The following MTUS1 variants were observed in gnomAD, a reference collection of about 807,000 sequenced individuals.
MTUS1 encodes microtubule associated scaffold protein 1.
In MTUS1, 109 loss-of-function variants were observed where a neutral mutation model predicts 120.8. That is an observed-to-expected ratio of 0.90 (90% CI 0.77 to 1.06). MTUS1 has a LOEUF of 1.06. Ranked by LOEUF, MTUS1 falls within the 50% of genes least tolerant of loss-of-function variation. The pLI, the probability that MTUS1 is intolerant of heterozygous loss-of-function variation, is 0.00. For synonymous variants in MTUS1, 737 were observed against 550.5 expected, an observed-to-expected ratio of 1.34 and a Z score of -4.74; for missense variants, 2,210 against 1,486.3, an observed-to-expected ratio of 1.49 and a Z score of -8.01.
intron 1 of MTUS1, among the ~76,000 whole-genome samples, chr8:17,768,228 T>A (rs985908399): frequency 1.3e-5 from 2 of 152,310 alleles, no homozygotes; most frequent in African/African-American, 4.8e-5. Flanking sequence ...CTAGGAGAGT[T>A]TTATAATGTT....
At chr8:17,762,889 T>C (rs926789610) in intron 1 of MTUS1, among the ~76,000 whole-genome samples, 5 of 152,126 alleles carry the variant, frequency 3.3e-5, no homozygotes, top group Non-Finnish European at 7.3e-5. Flanking sequence ...ATGGGCCACC[T>C]TGGATTAGCA....
In MTUS1 at chr8:17,750,351, G is replaced by C. The variant is rs561217934; in HGVS notation, c.2091+3366C>G. ...TAAAGCTGGCTAAATTCATCTCCCAGAGAAAAATCTTCTTTTAAAAAGCAA... is the reference window on the plus strand; with the variant it reads ...TAAAGCTGGCTAAATTCATCTCCCACAGAAAAATCTTCTTTTAAAAAGCAA... On this transcript the variant is annotated intron_variant, in intron 2 of 14. Coordinates refer to ENST00000693296, the MANE Select transcript of MTUS1 (RefSeq NM_001363059.2). 3.4e-3 allele frequency among the ~76,000 whole-genome samples: 519 copies of C among 152,280 alleles called. 1 individual carries two copies. The highest frequency in any genetic ancestry group is 5.7e-3 in the Non-Finnish European group (386 of 68,014).
chr8:17,780,031 G>A (rs1405091684), intron 1 of MTUS1, among the ~76,000 whole-genome samples: 3 of 152,144 alleles, frequency 2.0e-5, no homozygotes, highest in South Asian at 2.1e-4. Flanking sequence ...TTGAGGTGGG[G>A]CCTGGTGGGA....
At position 17,644,834 on chromosome 8, in the gene MTUS1, G is replaced by A. The variant is rs185748915; in HGVS notation, c.*1092C>T. On this transcript the variant is annotated 3_prime_UTR_variant, in exon 15 of 15. Coordinates refer to ENST00000693296, the MANE Select transcript of MTUS1 (RefSeq NM_001363059.2). Reference sequence around the variant, plus strand: ...AGTGGTTTCAGCACCTGGAAGATGAGCTGGCTCTGGGGCTCTGGAAAATCA... The same window carrying A: ...AGTGGTTTCAGCACCTGGAAGATGAACTGGCTCTGGGGCTCTGGAAAATCA... 10 of 152,338 alleles carry A rather than the reference G, an allele frequency of 6.6e-5. No individual in the cohort carries two copies. The highest frequency in any genetic ancestry group is 5.9e-4 in the Admixed American group (9 of 15,304). The allele number at this position is 152,338 out of a possible 1,614,324, so 9.4% of individuals were successfully genotyped here. A position where few individuals can be genotyped will look rare whatever the true frequency, so the allele number is the denominator to read the frequency against.
chr8:17,769,418 G>A (rs1437427549), intron 1 of MTUS1, among the ~76,000 whole-genome samples: 4 of 149,162 alleles, frequency 2.7e-5, no homozygotes, highest in African/African-American at 7.5e-5. Context: ...CGCGATCTCG[G>A]CTCACTGCAA....
intron 3 of MTUS1, among the ~76,000 whole-genome samples, chr8:17,736,865 G>A (rs973784812): frequency 6.6e-6 from 1 of 152,122 alleles, no homozygotes; most frequent in Non-Finnish European, 1.5e-5. Context: ...GATTATAGGC[G>A]TGAGCCACCA....
Position 17,731,281 on chromosome 8 carries a change from C to T in MTUS1, c.2288-7448G>A, listed in dbSNP as rs774366021. ...CGAGGTAGATCGTCTAGGTTCAAACCCGGCGCCACCTCACACTGCCTAGTG... is the reference window on the plus strand; with the variant it reads ...CGAGGTAGATCGTCTAGGTTCAAACTCGGCGCCACCTCACACTGCCTAGTG... On this transcript the variant is annotated intron_variant, in intron 3 of 14. Coordinates refer to ENST00000693296, the MANE Select transcript of MTUS1 (RefSeq NM_001363059.2). Among the ~76,000 whole-genome samples, 84 of 152,112 alleles carry T rather than the reference C, an allele frequency of 5.5e-4. 1 individual carries two copies. The Middle Eastern group carries it at 0.014, about 25-fold the overall frequency.
intron 8 of MTUS1, among the ~76,000 whole-genome samples, chr8:17,661,026 T>C (rs933206691): frequency 1.3e-5 from 2 of 152,194 alleles, no homozygotes; most frequent in Non-Finnish European, 2.9e-5. Flanking sequence ...ATAGTGATGG[T>C]CTTGACTGCT....
chr8:17,721,606 T>C (rs1319586759), intron 4 of MTUS1: 2 of 1,346,906 alleles, frequency 1.5e-6, no homozygotes, highest in Non-Finnish European at 2.0e-6. Flanking sequence ...ACCATTACCA[T>C]AAATTACAAG....
rs146800955 is a variant in MTUS1, at chr8:17,785,589, T to C, written c.-155+15472A>G. On this transcript the variant is annotated intron_variant, in intron 1 of 14. Coordinates refer to ENST00000693296, the MANE Select transcript of MTUS1 (RefSeq NM_001363059.2). ...GTGAAAGGGGTACAAAACTGCAGCA[T>C]AAAGAACATTCCTTTAGTTTACGTA... is the stretch of plus-strand genomic sequence containing the variant. Among the ~76,000 whole-genome samples, 775 of 152,342 alleles carry C rather than the reference T, an allele frequency of 5.1e-3. 6 individuals are homozygous for C. Among genetic ancestry groups the C allele is most frequent in the African/African-American group, 0.018 (742 of 41,582 alleles).
chr8:17,672,033 G>A lies in MTUS1; in HGVS notation c.2905+3153C>T, dbSNP rs373743800. On this transcript the variant is annotated intron_variant, in intron 8 of 14. Coordinates refer to ENST00000693296, the MANE Select transcript of MTUS1 (RefSeq NM_001363059.2). ...GGTAACATCCAACTAGGAGTGGATG[G>A]ACAAAAACCTAGGCTTTGACTCCAC... is the stretch of plus-strand genomic sequence containing the variant. Among the ~76,000 whole-genome samples, 14 of 152,268 alleles carry A rather than the reference G, an allele frequency of 9.2e-5. No individual in the cohort carries two copies. The East Asian group carries it at 1.7e-3, about 19-fold the overall frequency.
chr8:17,752,346 G>T (rs1355825621), intron 2 of MTUS1, among the ~76,000 whole-genome samples: 1 of 152,124 alleles, frequency 6.6e-6, no homozygotes, highest in African/African-American at 2.4e-5. Context: ...TAAGAATGTT[G>T]ATTAGAATTA....
chr8:17,683,329 A>T (rs928873945), intron 7 of MTUS1, among the ~76,000 whole-genome samples: 22 of 152,278 alleles, frequency 1.4e-4, no homozygotes, highest in South Asian at 1.0e-3. Context: ...TCCAAGGCAC[A>T]GACCAAGTCT....
chr8:17,700,805 T>C (rs1304225181), intron 6 of MTUS1, among the ~76,000 whole-genome samples: 2 of 151,660 alleles, frequency 1.3e-5, no homozygotes, highest in Non-Finnish European at 2.9e-5. Context: ...CAAAGAAAAA[T>C]AAACGATGTG....
chr8:17,654,758 T>C (rs1807834788), intron 9 of MTUS1, 92 bp from the exon 10 acceptor site: 2 of 852,350 alleles, frequency 2.3e-6, no homozygotes, highest in Admixed American at 1.9e-5. Context: ...ACGTCACAGC[T>C]TCACAGGTAA....
intron 5 of MTUS1, among the ~76,000 whole-genome samples, chr8:17,715,115 A>G (rs187106803): frequency 6.6e-6 from 1 of 151,852 alleles, no homozygotes; most frequent in Non-Finnish European, 1.5e-5. Flanking sequence ...CATGTCGGCC[A>G]GGCTGGTCTC....
At chr8:17,792,878 C>G (rs984539631) in intron 1 of MTUS1, among the ~76,000 whole-genome samples, 3 of 152,106 alleles carry the variant, frequency 2.0e-5, no homozygotes, top group African/African-American at 7.2e-5. Flanking sequence ...AATCTGAAAG[C>G]AAAACAATTT....
At chr8:17,660,440 G>A (rs372385475) in intron 8 of MTUS1, among the ~76,000 whole-genome samples, 1 of 152,032 alleles carries the variant, frequency 6.6e-6, no homozygotes, top group Non-Finnish European at 1.5e-5. Flanking sequence ...TACCATCCAC[G>A]GACACTTGGG....
At chr8:17,763,619 C>A (rs939634354) in intron 1 of MTUS1, among the ~76,000 whole-genome samples, 3 of 152,000 alleles carry the variant, frequency 2.0e-5, no homozygotes, top group Non-Finnish European at 2.9e-5. Flanking sequence ...AGAGCCAGGA[C>A]GACGGTGCAC....
Sources: gnomAD v4.1 joint callset for allele counts (sites outside exome capture counted in the v4.1 genomes callset) on GRCh38, gnomAD v4.1.1 for gene constraint, MANE v1.5 for transcripts, NCBI Gene and HGNC (gene_info 2026-07-23, HGNC 2026-07-21) for gene names.